Variants in GATB observed in about 807,000 individuals in gnomAD.
GATB encodes the protein glutamyl-tRNA(Gln) amidotransferase subunit B, mitochondrial.
GATB carries 39 observed loss-of-function variants against 62.3 expected under a neutral mutation model. The observed-to-expected ratio is 0.63, with a 90% CI of 0.48 to 0.82. The LOEUF (loss-of-function observed/expected upper bound fraction) is 0.82. Ranked by LOEUF, GATB falls within the 40% of genes least tolerant of loss-of-function variation. The pLI, the probability that GATB is intolerant of heterozygous loss-of-function variation, is 0.00. For missense variants in GATB, 670 were observed against 684.0 expected, an observed-to-expected ratio of 0.98 and a Z score of 0.23; for synonymous variants, 276 against 258.9, an observed-to-expected ratio of 1.07 and a Z score of -0.63.
At chr4:151,716,190 A>T in intron 4 of GATB, 59 bp from the exon 5 acceptor site, 1 of 1,566,180 alleles carries the variant, frequency 6.4e-7, no homozygotes. Context: ...CAACAGAAAA[A>T]TTAGGCCTAA....
At chr4:151,724,015 T>C (rs1199776155) in intron 2 of GATB, 1 of 152,204 alleles carries the variant, frequency 6.6e-6, no homozygotes, top group Non-Finnish European at 1.5e-5. Context: ...GCAATCATAA[T>C]TGTTTGAAAC....
At chr4:151,757,378 G>A (rs750651855) in intron 2 of GATB, among the ~76,000 whole-genome samples, 4 of 152,110 alleles carry the variant, frequency 2.6e-5, no homozygotes, top group Non-Finnish European at 5.9e-5. Context: ...GCATACTGGA[G>A]GCACTGCCCA....
intron 11 of GATB, among the ~76,000 whole-genome samples, chr4:151,676,731 A>G (rs1332792357): frequency 6.6e-6 from 1 of 152,140 alleles, no homozygotes; most frequent in Non-Finnish European, 1.5e-5. Flanking sequence ...GCTCATGATG[A>G]TATATAATTT....
At chr4:151,760,401 G>A (rs1475098623) in intron 1 of GATB, among the ~76,000 whole-genome samples, 1 of 152,124 alleles carries the variant, frequency 6.6e-6, no homozygotes, top group African/African-American at 2.4e-5. Context: ...AGAGCTTGTA[G>A]GTAAAGGCTC....
chr4:151,679,773 A>C (rs758095140), intron 11 of GATB, 40 bp downstream of exon 11: 2 of 1,540,500 alleles, frequency 1.3e-6, no homozygotes, highest in Non-Finnish European at 1.8e-6. Context: ...ATTTCTTGGG[A>C]CAGTAGCACA....
At chr4:151,676,209 G>A (rs1056724128) in intron 11 of GATB, 3 of 152,212 alleles carry the variant, frequency 2.0e-5, no homozygotes, top group Non-Finnish European at 4.4e-5. Flanking sequence ...AAGACATCTA[G>A]TCATTTGTAA....
chr4:151,672,678 TGGGCTGCCACA>T, intron 12 of GATB, 73 bp downstream of exon 12: 1 of 1,443,410 alleles, frequency 6.9e-7, no homozygotes, highest in Non-Finnish European at 9.4e-7. Context: ...GAAGAGCCTC[TGGGCTGCCACA>T]GGGAGCGATG....
intron 11 of GATB, chr4:151,677,415 C>A (rs576898059): frequency 6.6e-6 from 1 of 152,294 alleles, no homozygotes; most frequent in East Asian, 1.9e-4. Context: ...GCAACTGGAA[C>A]CCTTGCACAC....
intron 3 of GATB, among the ~76,000 whole-genome samples, chr4:151,717,708 C>T (rs536499994): frequency 5.3e-5 from 8 of 152,234 alleles, no homozygotes; most frequent in African/African-American, 1.7e-4. Context: ...TGCAAGGATC[C>T]CTCACCTGCT....
chr4:151,689,039 C>T (rs2126961186), intron 9 of GATB, among the ~76,000 whole-genome samples: 1 of 152,302 alleles, frequency 6.6e-6, no homozygotes, highest in Admixed American at 6.5e-5. Flanking sequence ...TGAAATTCCA[C>T]ATCCCCCAAA....
Position 151,697,947 on chromosome 4 carries a change from G to GTGTATATATATATATATATA in GATB, c.1197+3381_1197+3382insTATATATATATATATATACA, listed in dbSNP as rs1177589943. The stretch of plus-strand genomic sequence containing the variant: ...ATCGATTTCATATATATGTGTGTGT[G>GTGTATATATATATATATATA]TGTGTGTATATATATATATATATAT... On this transcript the variant is annotated intron_variant, in intron 9 of 12. Coordinates refer to ENST00000263985, the MANE Select transcript of GATB (RefSeq NM_004564.3). 1.9e-4 allele frequency among the ~76,000 whole-genome samples: 14 copies of GTGTATATATATATATATATA among 73,496 alleles called. 1 individual carries two copies. Among genetic ancestry groups the GTGTATATATATATATATATA allele is most frequent in the African/African-American group, 1.1e-3 (12 of 10,550 alleles). 48.2% of individuals were successfully genotyped at this position (73,496 alleles called of 152,430 possible). A position where few individuals can be genotyped will look rare whatever the true frequency, so the allele number is the denominator to read the frequency against.
At chr4:151,720,552 T>C (rs1402006629) in intron 2 of GATB, 2 of 152,214 alleles carry the variant, frequency 1.3e-5, no homozygotes, top group South Asian at 2.1e-4. Flanking sequence ...AGGATATTTA[T>C]GATGTTCTTT....
At chr4:151,712,199 T>C (rs1738831822) in intron 5 of GATB, among the ~76,000 whole-genome samples, 1 of 152,206 alleles carries the variant, frequency 6.6e-6, no homozygotes, top group African/African-American at 2.4e-5. Flanking sequence ...TATCCTGCAG[T>C]GTTGAAAGAG....
chr4:151,694,315 C>T (rs1738426788), intron 9 of GATB, among the ~76,000 whole-genome samples: 1 of 152,202 alleles, frequency 6.6e-6, no homozygotes, highest in Admixed American at 6.5e-5. Context: ...CAGGACTTTA[C>T]TCCTCCCTGC....
intron 10 of GATB, among the ~76,000 whole-genome samples, chr4:151,686,174 G>A (rs1162421554): frequency 2.0e-5 from 3 of 152,134 alleles, no homozygotes; most frequent in Non-Finnish European, 4.4e-5. Flanking sequence ...CTCACACCGA[G>A]GCCCACAACG....
Position 151,679,809 on chromosome 4 carries a change from A to C in GATB, c.1410+4T>G, listed in dbSNP as rs1421253193. ...GTCAGAAGCTGTCGGGAGTGTGGAC[A>C]TACCTGTTTAGCTGCTGATGAAGAA... is the stretch of plus-strand genomic sequence containing the variant. On this transcript the variant is annotated splice_donor_region_variant and intron_variant, in intron 11 of 12. Transcript: ENST00000263985. 3 of 1,613,062 alleles carry C rather than the reference A, an allele frequency of 1.9e-6. No homozygotes were observed. In the East Asian group the frequency reaches 6.7e-5, roughly 36 times the overall value.
At chr4:151,691,311 C>T (rs188883269) in intron 9 of GATB, among the ~76,000 whole-genome samples, 20 of 152,232 alleles carry the variant, frequency 1.3e-4, no homozygotes, top group Admixed American at 1.2e-3. Context: ...TGGCTGACTG[C>T]GACTCTAATT....
At chr4:151,681,269 C>T (rs1036559415) in intron 10 of GATB, among the ~76,000 whole-genome samples, 1 of 152,192 alleles carries the variant, frequency 6.6e-6, no homozygotes, top group Non-Finnish European at 1.5e-5. Context: ...AGCTGATGTA[C>T]TGAGGCAGCC....
chr4:151,750,179 C>T (rs1037845101), intron 2 of GATB, among the ~76,000 whole-genome samples: 5 of 152,200 alleles, frequency 3.3e-5, no homozygotes, highest in Non-Finnish European at 4.4e-5. Flanking sequence ...CCACGCCCAG[C>T]CCCTAACTTA....
Sources: allele counts gnomAD v4.1 joint callset (sites outside exome capture counted in the v4.1 genomes callset), GRCh38; gene constraint gnomAD v4.1.1; transcripts MANE v1.5; gene names NCBI Gene and HGNC (gene_info 2026-07-23, HGNC 2026-07-21).